The following GAS7 variants were observed in gnomAD, a reference collection of about 807,000 sequenced individuals.
The protein encoded by GAS7 is growth arrest specific 7, also known as growth arrest-specific protein 7.
Under a neutral mutation model 71.1 loss-of-function variants are expected in GAS7, and 28 were observed. The ratio of observed to expected loss-of-function variants is 0.39; its 90% CI spans 0.29 to 0.54. The LOEUF (loss-of-function observed/expected upper bound fraction) is 0.54. GAS7 is among the 20% of genes least tolerant of loss of function. The pLI is 0.62. For synonymous variants in GAS7, 258 were observed against 245.8 expected, an observed-to-expected ratio of 1.05 and a Z score of -0.46; for missense variants, 436 against 627.8, an observed-to-expected ratio of 0.69 and a Z score of 3.27.
chr17:9,973,581 A>G (rs995534637), intron 3 of GAS7, among the ~76,000 whole-genome samples: 1 of 152,230 alleles, frequency 6.6e-6, no homozygotes, highest in Non-Finnish European at 1.5e-5. Flanking sequence ...AAATGCAAGA[A>G]CATATGACTT....
chr17:10,196,825 A>T (rs1029458474), intron 1 of GAS7, among the ~76,000 whole-genome samples: 2 of 152,242 alleles, frequency 1.3e-5, no homozygotes, highest in African/African-American at 4.8e-5. Flanking sequence ...TGTAAGAAGC[A>T]ATACGTTCGC....
chr17:10,035,291 A>T (rs2072720740), intron 1 of GAS7, among the ~76,000 whole-genome samples: 1 of 152,112 alleles, frequency 6.6e-6, no homozygotes, highest in South Asian at 2.1e-4. Flanking sequence ...TCCTCACAGC[A>T]GCAAATCTCC....
rs184319539 is a variant in GAS7, at chr17:10,102,434, C to T, written c.184-82537G>A. On this transcript the variant is annotated intron_variant, in intron 1 of 13. Coordinates refer to ENST00000432992, the MANE Select transcript of GAS7 (RefSeq NM_201433.2). Reference sequence around the variant, plus strand: ...CAGCATAGTAGTCTAATCTCTTAGTCGGCTAGCTGACTAAGTATTTCTTTG... The same window carrying T: ...CAGCATAGTAGTCTAATCTCTTAGTTGGCTAGCTGACTAAGTATTTCTTTG... Among the ~76,000 whole-genome samples the T allele has an allele frequency of 1.6e-3, 245 of 149,346 alleles. 1 individual carries two copies. Among genetic ancestry groups the T allele is most frequent in the Non-Finnish European group, 2.7e-3 (178 of 66,728 alleles).
At chr17:10,068,885 A>G (rs2073310883) in intron 1 of GAS7, among the ~76,000 whole-genome samples, 1 of 152,194 alleles carries the variant, frequency 6.6e-6, no homozygotes, top group South Asian at 2.1e-4. Context: ...CTCTCCCAGC[A>G]GTCACATAGG....
At chr17:10,084,846 C>T (rs73273846) in intron 1 of GAS7, among the ~76,000 whole-genome samples, 1,549 of 152,266 alleles carry the variant, frequency 0.01, 22 homozygotes, top group African/African-American at 0.035. Context: ...CTCTGTAGGG[C>T]TATTAATCCA....
At chr17:10,169,837 T>C (rs1424502563) in intron 1 of GAS7, among the ~76,000 whole-genome samples, 2 of 152,182 alleles carry the variant, frequency 1.3e-5, no homozygotes, top group African/African-American at 4.8e-5. Context: ...AAATGCCTAC[T>C]CACTATCATT....
chr17:10,153,740 A>G (rs1384490411), intron 1 of GAS7, among the ~76,000 whole-genome samples: 1 of 152,212 alleles, frequency 6.6e-6, no homozygotes, highest in African/African-American at 2.4e-5. Flanking sequence ...AAATTGATGT[A>G]CCAAAAGGTT....
intron 2 of GAS7, among the ~76,000 whole-genome samples, chr17:10,013,168 G>A (rs2071847499): frequency 1.3e-5 from 2 of 151,160 alleles, no homozygotes; most frequent in African/African-American, 4.9e-5. Context: ...TTTCCACCAC[G>A]TCAGAATGCA....
At chr17:9,985,754 G>C (rs933078035) in intron 2 of GAS7, among the ~76,000 whole-genome samples, 2 of 152,200 alleles carry the variant, frequency 1.3e-5, no homozygotes, top group African/African-American at 2.4e-5. Context: ...GGGTGAGAGG[G>C]GATCAACGGC....
chr17:10,116,052 T>A (rs1303145147), intron 1 of GAS7, among the ~76,000 whole-genome samples: 1 of 152,206 alleles, frequency 6.6e-6, no homozygotes, highest in Non-Finnish European at 1.5e-5. Flanking sequence ...GGCTCACGAC[T>A]GTAATCCCAG....
At chr17:9,977,647 G>A (rs1205293501) in intron 3 of GAS7, among the ~76,000 whole-genome samples, 3 of 150,932 alleles carry the variant, frequency 2.0e-5, no homozygotes, top group Non-Finnish European at 4.4e-5. Context: ...CATAACTCTG[G>A]TGATATTAAA....
intron 8 of GAS7, among the ~76,000 whole-genome samples, chr17:9,935,610 G>T (rs1291433457): frequency 6.6e-6 from 1 of 152,244 alleles, no homozygotes; most frequent in Admixed American, 6.5e-5. Flanking sequence ...CAGCAGCGAA[G>T]AATTGCCCAA....
intron 1 of GAS7, among the ~76,000 whole-genome samples, chr17:10,132,608 A>G (rs892128662): frequency 6.6e-6 from 1 of 152,160 alleles, no homozygotes; most frequent in South Asian, 2.1e-4. Context: ...TCTACTAAAA[A>G]TACAAAAAAA....
At chr17:9,951,322 G>C (rs1454073842) in intron 5 of GAS7, among the ~76,000 whole-genome samples, 4 of 152,268 alleles carry the variant, frequency 2.6e-5, no homozygotes, top group Non-Finnish European at 4.4e-5. Flanking sequence ...GGAACGAGTA[G>C]AGTTGTGGGT....
rs140542757 is a variant in GAS7 at position 9,933,527 on chromosome 17, T to G, written c.885+639A>C. On this transcript the variant is annotated intron_variant, in intron 9 of 13. Coordinates refer to ENST00000432992, the MANE Select transcript of GAS7 (RefSeq NM_201433.2). ...AAAAGGAAATGATATGAACTTATAA[T>G]TGAATAAAAATTATATTAAAAACGA... Among the ~76,000 whole-genome samples the G allele has an allele frequency of 7.4e-4, 113 of 152,296 alleles. 1 individual carries two copies. The highest frequency in any genetic ancestry group is 2.6e-3 in the African/African-American group (110 of 41,572).
chr17:10,090,631 A>C (rs1466679354), intron 1 of GAS7, among the ~76,000 whole-genome samples: 1 of 152,158 alleles, frequency 6.6e-6, no homozygotes, highest in East Asian at 1.9e-4. Context: ...AGAGGGAAAA[A>C]TTCAGGTTGT....
rs2067589527 is a variant in GAS7 at position 9,916,584 on chromosome 17, C to T, written c.*644G>A. The T allele has an allele frequency of 1.2e-5, 3 of 254,866 alleles. No homozygotes were observed. The highest frequency in any genetic ancestry group is 1.2e-4 in the East Asian group (2 of 17,252). The allele number at this position is 254,866 out of a possible 1,614,324, so 15.8% of individuals were successfully genotyped here. Reference sequence around the variant, plus strand: ...AGCGCTCAATTTGGGGCTAATTTGCCGAATGAGGTAGTTCCATCCTGACCT... The same window carrying T: ...AGCGCTCAATTTGGGGCTAATTTGCTGAATGAGGTAGTTCCATCCTGACCT... On this transcript the variant is annotated 3_prime_UTR_variant, in exon 14 of 14. Transcript: ENST00000432992.
chr17:9,947,051 CT>C (rs2068814712), intron 5 of GAS7, 68 bp from the exon 6 acceptor site: 1 of 1,050,292 alleles, frequency 9.5e-7, no homozygotes, highest in Non-Finnish European at 1.5e-6. Flanking sequence ...GCTTCGGCTC[CT>C]GGGGGACACG....
At chr17:10,051,108 C>T (rs1383662239) in intron 1 of GAS7, among the ~76,000 whole-genome samples, 2 of 152,224 alleles carry the variant, frequency 1.3e-5, no homozygotes, top group Non-Finnish European at 2.9e-5. Flanking sequence ...GGCACTTCAC[C>T]TCTACAAACC....
Sources: allele counts gnomAD v4.1 joint callset (sites outside exome capture counted in the v4.1 genomes callset), GRCh38; gene constraint gnomAD v4.1.1; transcripts MANE v1.5; gene names NCBI Gene and HGNC (gene_info 2026-07-23, HGNC 2026-07-21).